WNK1: variants seen among roughly 807,000 people sequenced by gnomAD.
WNK1 encodes the protein WNK lysine deficient protein kinase 1, also known as serine/threonine-protein kinase WNK1.
WNK1 carries 38 observed loss-of-function variants against 222.8 expected under a neutral mutation model. That is an observed-to-expected ratio of 0.17 (90% CI 0.13 to 0.22). The LOEUF is 0.22. WNK1 is among the 10% of genes least tolerant of loss of function. The pLI, the probability that WNK1 is intolerant of heterozygous loss-of-function variation, is 1.00. For synonymous variants in WNK1, 1,090 were observed against 1,092.9 expected (o/e 1.00, Z 0.05); for missense variants, 2,348 against 2,918.4 (o/e 0.80, Z 4.50).
rs1306053749 is a variant in WNK1 at position 820,519 on chromosome 12, A to T, written c.933-6523A>T. Among the ~76,000 whole-genome samples, 4 of 134,796 alleles carry T rather than the reference A, an allele frequency of 3.0e-5. No individual in the cohort carries two copies. In the East Asian group the frequency reaches 8.9e-4, roughly 30 times the overall value. 88.4% of individuals were successfully genotyped at this position (134,796 alleles called of 152,430 possible). A position where few individuals can be genotyped will look rare whatever the true frequency, so the allele number is the denominator to read the frequency against. ...CAGATGGGGTTTCACTCTGTCACCG[A>T]GGCTGGAGTGCAGTGGTGCAGTCAT... On this transcript the variant is annotated intron_variant, in intron 2 of 27. Coordinates refer to ENST00000315939, the MANE Select transcript of WNK1 (RefSeq NM_018979.4).
chr12:830,228 A>C, intron 4 of WNK1, 68 bp downstream of exon 4: 1 of 1,560,064 alleles, frequency 6.4e-7, no homozygotes, highest in Non-Finnish European at 8.8e-7. Flanking sequence ...GGTGGATGAC[A>C]TCAAACCATG....
At chr12:781,564 C>T (rs1943712472) in intron 1 of WNK1, among the ~76,000 whole-genome samples, 1 of 152,080 alleles carries the variant, frequency 6.6e-6, no homozygotes, top group African/African-American at 2.4e-5. Flanking sequence ...AATTGCTGGT[C>T]TTCATTAGAT....
chr12:825,096 G>A (rs1948245169), intron 2 of WNK1, among the ~76,000 whole-genome samples: 2 of 152,154 alleles, frequency 1.3e-5, no homozygotes, highest in African/African-American at 4.8e-5. Flanking sequence ...GATTGAATGA[G>A]TTTTGACAAG....
At chr12:819,652 G>A (rs1350773874) in intron 2 of WNK1, among the ~76,000 whole-genome samples, 6 of 152,076 alleles carry the variant, frequency 3.9e-5, no homozygotes, top group Non-Finnish European at 8.8e-5. Flanking sequence ...ATAACCAAGG[G>A]CATACAGATG....
intron 14 of WNK1, 88 bp downstream of exon 14, chr12:882,161 A>C: frequency 7.2e-7 from 1 of 1,386,784 alleles, no homozygotes; most frequent in Non-Finnish European, 1.0e-6. Context: ...CAAACCACTC[A>C]CTTCATAAAA....
Position 862,123 on chromosome 12 carries a change from C to G in WNK1, c.1992C>G (p.Phe664Leu). The G allele has an allele frequency of 6.2e-7, 1 of 1,614,034 alleles. No homozygotes were observed. Among genetic ancestry groups the G allele is most frequent in the East Asian group, 2.2e-5 (1 of 44,882 alleles). Residue 664 changes from phenylalanine (F) to leucine (L), a missense_variant, in exon 8 of 28, where the codon TTC becomes TTG. Around this residue, in one of 13 missense-constraint regions of WNK1, gnomAD observed 547 missense variants for 558.3 expected, o/e 0.98. Transcript: ENST00000315939. Reference protein sequence around the residue: ...TVDSGQGSSVFTESRVSSQQT... With the variant: ...TVDSGQGSSVLTESRVSSQQT... ...ACAGTGGTCAGGGATCCTCTGTCTT[C>G]ACAGAATCTCGAGTGAGCAGCCAAC...
At chr12:808,726 C>T (rs1232999714) in intron 1 of WNK1, among the ~76,000 whole-genome samples, 13 of 148,706 alleles carry the variant, frequency 8.7e-5, no homozygotes, top group East Asian at 7.9e-4. Flanking sequence ...CCTATGCATT[C>T]GTATACATCT....
intron 22 of WNK1, among the ~76,000 whole-genome samples, chr12:892,381 T>G (rs552000739): frequency 6.6e-6 from 1 of 152,304 alleles, no homozygotes; most frequent in South Asian, 2.1e-4. Flanking sequence ...CATAAATAAA[T>G]GAGTTTGTGT....
intron 1 of WNK1, among the ~76,000 whole-genome samples, chr12:756,537 A>T (rs1229683749): frequency 2.0e-5 from 3 of 152,216 alleles, no homozygotes; most frequent in Non-Finnish European, 4.4e-5. Context: ...CTAGCTTATT[A>T]AGTGGTACCT....
intron 9 of WNK1, among the ~76,000 whole-genome samples, chr12:876,963 A>G (rs1223910333): frequency 6.6e-6 from 1 of 152,054 alleles, no homozygotes; most frequent in African/African-American, 2.4e-5. Flanking sequence ...ATGATGTACT[A>G]GTTAAAATTT....
chr12:885,729 C>T lies in WNK1; in HGVS notation c.4925C>T (p.Thr1642Ile), dbSNP rs1555150817. 1 of 1,614,184 alleles carries T rather than the reference C, an allele frequency of 6.2e-7. No individual in the cohort carries two copies. The highest frequency in any genetic ancestry group is 8.5e-7 in the Non-Finnish European group (1 of 1,180,030). The part of the protein sequence containing the change: ...HTHCPEVDSD[T>I]QPKAPGIDDI... Reference sequence around the variant, plus strand: ...CATTGTCCTGAAGTAGATTCTGATACACAACCCAAAGCTCCTGGAATTGAT... The same window carrying T: ...CATTGTCCTGAAGTAGATTCTGATATACAACCCAAAGCTCCTGGAATTGAT... The change falls in exon 19 of 28, where the codon ACA becomes ATA. Residue 1642 changes from threonine (T) to isoleucine (I), a missense_variant. Coordinates refer to ENST00000315939, the MANE Select transcript of WNK1 (RefSeq NM_018979.4).
chr12:859,102 T>C (rs901918810), intron 5 of WNK1, 143 bp from the exon 6 acceptor site: 8 of 698,510 alleles, frequency 1.1e-5, no homozygotes, highest in African/African-American at 9.0e-5. Flanking sequence ...AATTCAGCAA[T>C]GTAAAAATGA....
chr12:842,150 T>C (rs1449153428), intron 4 of WNK1, among the ~76,000 whole-genome samples: 1 of 152,178 alleles, frequency 6.6e-6, no homozygotes, highest in Non-Finnish European at 1.5e-5. Context: ...ACATTATGTA[T>C]ATTTGGGAGA....
chr12:887,171 T>C (rs1953742290), intron 19 of WNK1, 50 bp from the exon 20 acceptor site: 2 of 1,520,882 alleles, frequency 1.3e-6, no homozygotes, highest in Non-Finnish European at 1.8e-6. Flanking sequence ...CAGTACGCAG[T>C]CTTTATATTT....
intron 1 of WNK1, among the ~76,000 whole-genome samples, chr12:776,985 CTG>C (rs1478525163): frequency 6.6e-6 from 1 of 152,120 alleles, no homozygotes; most frequent in Non-Finnish European, 1.5e-5. Flanking sequence ...GATAAAAAGA[CTG>C]TACTAAATGA....
chr12:762,294 AAGTGATCCATCT>A (rs1565391497), intron 1 of WNK1, among the ~76,000 whole-genome samples: 3 of 146,758 alleles, frequency 2.0e-5, no homozygotes, highest in African/African-American at 7.3e-5. Flanking sequence ...TCCTGACCTC[AAGTGATCCATCT>A]GCCTCTGCCT....
chr12:824,916 C>T (rs1025732493), intron 2 of WNK1, among the ~76,000 whole-genome samples: 3 of 152,120 alleles, frequency 2.0e-5, no homozygotes, highest in East Asian at 1.9e-4. Flanking sequence ...TTTATTCATC[C>T]TCCATCCATC....
At chr12:768,884 A>G (rs751123249) in intron 1 of WNK1, among the ~76,000 whole-genome samples, 1 of 151,642 alleles carries the variant, frequency 6.6e-6, no homozygotes, top group Non-Finnish European at 1.5e-5. Flanking sequence ...ATCTCAGCTC[A>G]CTGCAACCTC....
chr12:864,110 G>GTT (rs372936466), intron 8 of WNK1, among the ~76,000 whole-genome samples: 48 of 124,544 alleles, frequency 3.9e-4, no homozygotes, highest in South Asian at 7.8e-4. Context: ...ATTTTTTTAA[G>GTT]TTTTTTTTTT....
Sources: allele counts gnomAD v4.1 joint callset (sites outside exome capture counted in the v4.1 genomes callset), GRCh38; gene constraint gnomAD v4.1.1; regional missense constraint gnomAD v4.1.1; transcripts MANE v1.5; gene names NCBI Gene and HGNC (gene_info 2026-07-23, HGNC 2026-07-21).